Variants in PLA2G7 observed in about 807,000 individuals in gnomAD.
PLA2G7 encodes the protein phospholipase A2 group VII, also known as platelet-activating factor acetylhydrolase.
A neutral mutation model predicts 49.6 loss-of-function variants in PLA2G7; 63 were observed. The ratio of observed to expected loss-of-function variants is 1.27; its 90% CI spans 1.04 to 1.57. The LOEUF (loss-of-function observed/expected upper bound fraction) is 1.57. Ranked by LOEUF, PLA2G7 falls within the 40% of genes most tolerant of loss-of-function variation. The pLI is 0.00. For synonymous variants in PLA2G7, 193 were observed against 169.9 expected (o/e 1.14, Z -1.06); for missense variants, 596 against 521.2 (o/e 1.14, Z -1.40).
chr6:46,709,467 A>G (rs1764938540), intron 8 of PLA2G7, 49 bp from the exon 9 acceptor site: 5 of 1,025,554 alleles, frequency 4.9e-6, no homozygotes, highest in Non-Finnish European at 3.1e-6. Flanking sequence ...GTGGTGTTAG[A>G]AGAAATGATT....
Position 46,704,468 on chromosome 6 carries a change from TCTCTCTCTCTCACACA to T in PLA2G7, c.*76_*91del, listed in dbSNP as rs201867147. The stretch of plus-strand genomic sequence containing the variant: ...CTCTCTCTCTCTCTCTCTCTCTCTC[TCTCTCTCTCTCACACA>T]CACACACACACACACACACACACAC... On this transcript the variant is annotated 3_prime_UTR_variant, in exon 12 of 12. Transcript: ENST00000274793. 0.093 allele frequency: 38,135 copies of T among 411,790 alleles called. 686 individuals carry two copies. Among genetic ancestry groups the T allele is most frequent in the Middle Eastern group, 0.14 (200 of 1,404 alleles). 25.5% of individuals were successfully genotyped at this position (411,790 alleles called of 1,614,324 possible). A position where few individuals can be genotyped will look rare whatever the true frequency, so the allele number is the denominator to read the frequency against.
chr6:46,723,697 A>C (rs1765477490), intron 1 of PLA2G7, among the ~76,000 whole-genome samples: 1 of 152,148 alleles, frequency 6.6e-6, no homozygotes, highest in Non-Finnish European at 1.5e-5. Context: ...AGCCACCATC[A>C]TCTCTTACCT....
rs752486194 is a variant in PLA2G7 at position 46,716,385 on chromosome 6, A to G, written c.375T>C (p.Phe125=). 6.8e-6 allele frequency: 11 copies of G among 1,613,976 alleles called. No individual in the cohort carries two copies. The East Asian group carries it at 2.0e-4, about 29-fold the overall frequency. Residue 125 remains phenylalanine, a splice_region_variant and synonymous_variant, in exon 4 of 12, where the codon TTT becomes TTC. Transcript: ENST00000274793. ...AAGAAGGATCAACAGAAATCTTACCAAAGAGTAACCTCAAAATGTTGCCCA... is the reference window on the plus strand; with the variant it reads ...AAGAAGGATCAACAGAAATCTTACCGAAGAGTAACCTCAAAATGTTGCCCA... ...WLMGNILRLL[F]GSMTTPANWN...
chr6:46,723,841 G>A (rs570027275), intron 1 of PLA2G7, among the ~76,000 whole-genome samples: 2 of 152,140 alleles, frequency 1.3e-5, no homozygotes, highest in African/African-American at 2.4e-5. Context: ...TGTTACGGGG[G>A]AGAAGCCATT....
chr6:46,724,699 C>T (rs1220489872), intron 1 of PLA2G7, among the ~76,000 whole-genome samples: 1 of 152,224 alleles, frequency 6.6e-6, no homozygotes, highest in African/African-American at 2.4e-5. Context: ...AAATCATGTG[C>T]TGATGTAGTG....
Position 46,714,473 on chromosome 6 carries a change from G to A in PLA2G7, c.457C>T (p.Leu153Phe). The A allele has an allele frequency of 6.2e-7, 1 of 1,608,318 alleles. No individual in the cohort carries two copies. Among genetic ancestry groups the A allele is most frequent in the Non-Finnish European group, 8.5e-7 (1 of 1,175,014 alleles). ...KYPLVVFSHG[L>F]GAFRTLYSAI... ...CTCAAACATTACCTGAATGCCCCAA[G>A]ACCATGAGAAAAAACAACAAGTGGA... Residue 153 changes from leucine (L) to phenylalanine (F), a missense_variant, in exon 5 of 12, where the codon CTT becomes TTT. Leu to Phe is a conservative substitution (Grantham distance 22). Coordinates refer to ENST00000274793, the MANE Select transcript of PLA2G7 (RefSeq NM_005084.4).
At chr6:46,706,772 C>G (rs1362506918) in intron 10 of PLA2G7, among the ~76,000 whole-genome samples, 2 of 152,188 alleles carry the variant, frequency 1.3e-5, no homozygotes, top group East Asian at 3.9e-4. Flanking sequence ...GTTAGGTGTT[C>G]TGTATTATTT....
chr6:46,712,123 C>G, intron 6 of PLA2G7, 146 bp downstream of exon 6: 2 of 645,154 alleles, frequency 3.1e-6, no homozygotes, highest in Non-Finnish European at 5.6e-6. Context: ...TCGATAAACT[C>G]AATCTCCTTT....
At chr6:46,722,433 C>G (rs1250873438) in intron 2 of PLA2G7, among the ~76,000 whole-genome samples, 1 of 152,096 alleles carries the variant, frequency 6.6e-6, no homozygotes, top group East Asian at 1.9e-4. Context: ...GACTCCAGAC[C>G]AGTTGCATTA....
chr6:46,709,128 G>A (rs1478966365), intron 9 of PLA2G7, among the ~76,000 whole-genome samples, 199 bp downstream of exon 9: 2 of 152,058 alleles, frequency 1.3e-5, no homozygotes, highest in Non-Finnish European at 2.9e-5. Context: ...TGGGAGTAGG[G>A]GGAGATTTTA....
intron 10 of PLA2G7, among the ~76,000 whole-genome samples, chr6:46,707,102 C>A (rs1353681499): frequency 1.3e-5 from 2 of 152,092 alleles, no homozygotes; most frequent in East Asian, 3.9e-4. Context: ...ATCAGGAGTT[C>A]TTTTTCACCT....
Position 46,709,326 on chromosome 6 carries a change from C to T in PLA2G7, c.869+1G>A, listed in dbSNP as rs777234562. ...CTTGCTTTACTATCTTATTTTCTTACCTGAATCTCTGATCTTCACTAAGAG... is the reference window on the plus strand; with the variant it reads ...CTTGCTTTACTATCTTATTTTCTTATCTGAATCTCTGATCTTCACTAAGAG... On this transcript the variant is annotated splice_donor_variant, in intron 9 of 11. Transcript: ENST00000274793. LOFTEE classifies it high-confidence loss of function. 2.6e-6 allele frequency: 4 copies of T among 1,523,514 alleles called. No individual in the cohort carries two copies. The highest frequency in any genetic ancestry group is 1.4e-5 in the African/African-American group (1 of 73,124). 94.4% of individuals were successfully genotyped at this position (1,523,514 alleles called of 1,614,324 possible).
rs1363366582 is a variant in PLA2G7, at chr6:46,714,455, A to T, written c.470+5T>A. ...GCCAAAATTGTTCAACCTCTCAAACATTACCTGAATGCCCCAAGACCATGA... is the reference window on the plus strand; with the variant it reads ...GCCAAAATTGTTCAACCTCTCAAACTTTACCTGAATGCCCCAAGACCATGA... On this transcript the variant is annotated splice_donor_5th_base_variant and intron_variant, in intron 5 of 11. Transcript: ENST00000274793. 4 of 1,586,338 alleles carry T rather than the reference A, an allele frequency of 2.5e-6. No individual in the cohort carries two copies. Among genetic ancestry groups the T allele is most frequent in the Middle Eastern group, 1.7e-4 (1 of 6,010 alleles).
At chr6:46,712,145 T>A (rs765780893) in intron 6 of PLA2G7, 124 bp downstream of exon 6, 1 of 704,318 alleles carries the variant, frequency 1.4e-6, no homozygotes, top group Non-Finnish European at 2.6e-6. Flanking sequence ...TTGCTCATGA[T>A]GTTACCATAC....
chr6:46,704,478 T>TCTCTCTCTCTCTCTCA lies in PLA2G7; in HGVS notation c.*81_*82insTGAGAGAGAGAGAGAG, dbSNP rs1441279240. 2.4e-4 allele frequency: 21 copies of TCTCTCTCTCTCTCTCA among 87,838 alleles called. No individual in the cohort carries two copies. The highest frequency in any genetic ancestry group is 4.5e-4 in the Non-Finnish European group (20 of 44,486). 5.4% of individuals were successfully genotyped at this position (87,838 alleles called of 1,614,324 possible). A position where few individuals can be genotyped will look rare whatever the true frequency, so the allele number is the denominator to read the frequency against. On this transcript the variant is annotated 3_prime_UTR_variant, in exon 12 of 12. Coordinates refer to ENST00000274793, the MANE Select transcript of PLA2G7 (RefSeq NM_005084.4). ...CTCTCTCTCTCTCTCTCTCTCTCTC[T>TCTCTCTCTCTCTCTCA]CACACACACACACACACACACACAC...
chr6:46,704,768 G>T, intron 11 of PLA2G7, 72 bp from the exon 12 acceptor site: 1 of 923,528 alleles, frequency 1.1e-6, no homozygotes, highest in Non-Finnish European at 1.8e-6. Context: ...CCCCTAGGTG[G>T]CAATAAAGAT....
intron 5 of PLA2G7, 82 bp downstream of exon 5, chr6:46,714,378 C>A (rs1009949835): frequency 1.1e-5 from 10 of 882,328 alleles, no homozygotes; most frequent in Non-Finnish European, 1.4e-5. Flanking sequence ...CATGACATTC[C>A]AAACTCTGCT....
At chr6:46,717,892 A>G (rs909133005) in intron 2 of PLA2G7, among the ~76,000 whole-genome samples, 2 of 151,542 alleles carry the variant, frequency 1.3e-5, no homozygotes, top group African/African-American at 4.9e-5. Flanking sequence ...TAATTTTTGT[A>G]TTTTTAGTAG....
intron 6 of PLA2G7, 72 bp from the exon 7 acceptor site, chr6:46,711,691 C>T (rs1486940895): frequency 1.1e-5 from 17 of 1,483,316 alleles, no homozygotes; most frequent in Non-Finnish European, 1.6e-5. Flanking sequence ...TTCTCAGTTC[C>T]ATCCTTGACT....
Sources: allele counts gnomAD v4.1 joint callset (sites outside exome capture counted in the v4.1 genomes callset), GRCh38; gene constraint gnomAD v4.1.1; transcripts MANE v1.5; gene names NCBI Gene and HGNC (gene_info 2026-07-23, HGNC 2026-07-21).